The following OTUD7A variants were observed in gnomAD, a reference collection of about 807,000 sequenced individuals.
The protein encoded by OTUD7A is OTU deubiquitinase 7A.
Under a neutral mutation model 65.7 loss-of-function variants are expected in OTUD7A, and 12 were observed. That is an observed-to-expected ratio of 0.18 (90% CI 0.12 to 0.30). The LOEUF is 0.30. Ranked by LOEUF, OTUD7A falls within the 10% of genes least tolerant of loss-of-function variation. The pLI is 1.00. For missense variants in OTUD7A, 1,148 were observed against 1,304.8 expected (o/e 0.88, Z 1.85); for synonymous variants, 641 against 586.3 (o/e 1.09, Z -1.35).
chr15:31,574,799 C>T (rs1364221434), intron 3 of OTUD7A, among the ~76,000 whole-genome samples: 1 of 152,152 alleles, frequency 6.6e-6, no homozygotes, highest in Admixed American at 6.5e-5. Flanking sequence ...CATATATAAA[C>T]CCATTAATCC....
intron 5 of OTUD7A, among the ~76,000 whole-genome samples, chr15:31,537,227 T>C (rs944843831): frequency 4.6e-5 from 7 of 152,204 alleles, no homozygotes; most frequent in African/African-American, 1.7e-4. Context: ...AAAAAACTTC[T>C]TGGTTCTTTG....
chr15:31,735,000 T>C (rs1242139610), intron 1 of OTUD7A, among the ~76,000 whole-genome samples: 1 of 151,970 alleles, frequency 6.6e-6, no homozygotes, highest in Non-Finnish European at 1.5e-5. Flanking sequence ...AAACTGTGCA[T>C]CTAACAAAGG....
chr15:31,651,365 T>C (rs1263728403), intron 3 of OTUD7A, among the ~76,000 whole-genome samples: 1 of 151,656 alleles, frequency 6.6e-6, no homozygotes, highest in African/African-American at 2.4e-5. Context: ...ATAGCCAACA[T>C]TCTACTTAAT....
intron 1 of OTUD7A, among the ~76,000 whole-genome samples, chr15:31,823,778 G>C (rs1896740556): frequency 6.6e-6 from 1 of 152,160 alleles, no homozygotes; most frequent in South Asian, 2.1e-4. Context: ...TATCAAACTA[G>C]AACTGCCTGG....
chr15:31,866,595 T>A (rs1897881068), intron 1 of OTUD7A, among the ~76,000 whole-genome samples: 1 of 152,230 alleles, frequency 6.6e-6, no homozygotes, highest in Admixed American at 6.5e-5. Flanking sequence ...TTGGGAGACA[T>A]GGCAGTCTAC....
At chr15:31,829,219 T>C (rs1453569794) in intron 1 of OTUD7A, among the ~76,000 whole-genome samples, 1 of 152,242 alleles carries the variant, frequency 6.6e-6, no homozygotes, top group Non-Finnish European at 1.5e-5. Flanking sequence ...GGGGTGGCAC[T>C]AGACCTGGGA....
In OTUD7A at chr15:31,476,070, C is replaced by A. The variant is rs576833236; in HGVS notation, c.*7224G>T. ...TGGAGTTCAAACTCCGTAGATGAGG[C>A]AGTAACAGGTCACTAAGGAGCTTAG... On this transcript the variant is annotated 3_prime_UTR_variant, in exon 13 of 13. Coordinates refer to ENST00000307050, the MANE Select transcript of OTUD7A (RefSeq NM_001382637.1). 6.6e-6 allele frequency: 1 copy of A among 152,354 alleles called. No individual in the cohort carries two copies. The highest frequency in any genetic ancestry group is 6.5e-5 in the Admixed American group (1 of 15,304). The allele number at this position is 152,354 out of a possible 1,614,324, so 9.4% of individuals were successfully genotyped here.
At chr15:31,562,130 G>A (rs572700058) in intron 4 of OTUD7A, among the ~76,000 whole-genome samples, 79 of 152,224 alleles carry the variant, frequency 5.2e-4, no homozygotes, top group African/African-American at 1.5e-3. Flanking sequence ...CTGGCCCTGC[G>A]TTTTCTTATT....
At chr15:31,855,460 C>A (rs1309899369) in intron 1 of OTUD7A, among the ~76,000 whole-genome samples, 1 of 151,834 alleles carries the variant, frequency 6.6e-6, no homozygotes, top group East Asian at 1.9e-4. Flanking sequence ...AAAACAGAGC[C>A]AGGGATTAAA....
At chr15:31,594,230 C>G (rs1245141984) in intron 3 of OTUD7A, among the ~76,000 whole-genome samples, 3 of 152,182 alleles carry the variant, frequency 2.0e-5, no homozygotes, top group Non-Finnish European at 4.4e-5. Context: ...GTTCTGAGAT[C>G]TGCACGGTAC....
chr15:31,504,923 C>G (rs1484132854), intron 8 of OTUD7A, among the ~76,000 whole-genome samples: 1 of 149,912 alleles, frequency 6.7e-6, no homozygotes, highest in Non-Finnish European at 1.5e-5. Context: ...CAGAGTCTTG[C>G]TTTGTTACCC....
intron 6 of OTUD7A, among the ~76,000 whole-genome samples, chr15:31,528,455 AG>A (rs535122403): frequency 1.4e-4 from 21 of 152,344 alleles, no homozygotes. Context: ...AGTCTACAGA[AG>A]GAGAGTAATG....
At chr15:31,521,367 C>T (rs1446848489) in intron 8 of OTUD7A, among the ~76,000 whole-genome samples, 1 of 152,166 alleles carries the variant, frequency 6.6e-6, no homozygotes, top group South Asian at 2.1e-4. Flanking sequence ...AGAACCATCC[C>T]TAGATAGTCA....
intron 5 of OTUD7A, among the ~76,000 whole-genome samples, chr15:31,535,163 CTTGAA>C (rs1887755961): frequency 6.6e-6 from 1 of 152,200 alleles, no homozygotes; most frequent in Non-Finnish European, 1.5e-5. Context: ...CAAATCTCAT[CTTGAA>C]TTGTAATGCC....
intron 3 of OTUD7A, among the ~76,000 whole-genome samples, chr15:31,605,115 G>A (rs1279173188): frequency 6.6e-6 from 1 of 152,182 alleles, no homozygotes; most frequent in Admixed American, 6.5e-5. Flanking sequence ...GTTTGCTTTT[G>A]ATGAGATAAT....
At position 31,847,244 on chromosome 15, in the gene OTUD7A, C is replaced by A. The variant is rs193221452; in HGVS notation, c.-100+23263G>T. The stretch of plus-strand genomic sequence containing the variant: ...GCTGCATGCTTCTGAAACAATTCCA[C>A]CCATTCCCAACATGCAGGAGGGCAG... On this transcript the variant is annotated intron_variant, in intron 1 of 12. Coordinates refer to ENST00000307050, the MANE Select transcript of OTUD7A (RefSeq NM_001382637.1). Among the ~76,000 whole-genome samples, 194 of 152,324 alleles carry A rather than the reference C, an allele frequency of 1.3e-3. 1 individual carries two copies. Among genetic ancestry groups the A allele is most frequent in the South Asian group, 4.6e-3 (22 of 4,828 alleles).
At position 31,487,644 on chromosome 15, in the gene OTUD7A, GT is replaced by G; in HGVS notation, c.1172-79del. ...GATGGCAAGGAAATTCCCAAGCCAG[GT>G]ATCTGGGTGACAAATGCACCGAGTG... is the stretch of plus-strand genomic sequence containing the variant. On this transcript the variant is annotated intron_variant, in intron 10 of 12. Transcript: ENST00000307050. This position sits in a 1 kb window ranked among gnomAD's most constrained non-coding sequence, Gnocchi z 6.0. The G allele has an allele frequency of 8.6e-7, 1 of 1,163,320 alleles. No homozygotes were observed. Among genetic ancestry groups the G allele is most frequent in the Non-Finnish European group, 1.2e-6 (1 of 817,512 alleles). 72.1% of individuals were successfully genotyped at this position (1,163,320 alleles called of 1,614,324 possible). A position where few individuals can be genotyped will look rare whatever the true frequency, so the allele number is the denominator to read the frequency against.
chr15:31,576,112 A>C (rs1157142901), intron 3 of OTUD7A, among the ~76,000 whole-genome samples: 1 of 152,214 alleles, frequency 6.6e-6, no homozygotes, highest in Non-Finnish European at 1.5e-5. Flanking sequence ...AGATAGCTAA[A>C]AAGATAAAAA....
intron 3 of OTUD7A, among the ~76,000 whole-genome samples, chr15:31,631,391 T>C (rs1363383459): frequency 6.6e-6 from 1 of 152,218 alleles, no homozygotes; most frequent in African/African-American, 2.4e-5. Flanking sequence ...GAAAATTCTT[T>C]TCTTTAAGAA....
Sources: allele counts gnomAD v4.1 joint callset (sites outside exome capture counted in the v4.1 genomes callset), GRCh38; gene constraint gnomAD v4.1.1; non-coding constraint Gnocchi (gnomAD v3.1); transcripts MANE v1.5; gene names NCBI Gene and HGNC (gene_info 2026-07-23, HGNC 2026-07-21).